Variants in SETBP1 observed in about 807,000 individuals in gnomAD.
SETBP1 encodes SET-binding protein.
A neutral mutation model predicts 101.0 loss-of-function variants in SETBP1; 9 were observed. The ratio of observed to expected loss-of-function variants is 0.09; its 90% CI spans 0.05 to 0.16. The LOEUF (loss-of-function observed/expected upper bound fraction) is 0.16, where lower values mean the gene tolerates loss of function less well. SETBP1 is among the 10% of genes least tolerant of loss of function. SETBP1 has a pLI of 1.00. For synonymous variants in SETBP1, 818 were observed against 788.5 expected (o/e 1.04, Z -0.63); for missense variants, 1,858 against 2,033.8 (o/e 0.91, Z 1.66).
intron 4 of SETBP1, among the ~76,000 whole-genome samples, chr18:44,995,529 T>TTTTGTG (rs894181469): frequency 6.1e-4 from 87 of 142,970 alleles, no homozygotes; most frequent in African/African-American, 2.2e-3. Flanking sequence ...GTCCAGGCTT[T>TTTTGTG]TGTGTGTGTG....
chr18:44,706,591 CAAAAAAAA>C (rs1018470585), intron 2 of SETBP1, among the ~76,000 whole-genome samples: 73 of 16,954 alleles, frequency 4.3e-3, no homozygotes, highest in African/African-American at 0.016. Flanking sequence ...GACTCAATCT[CAAAAAAAA>C]AAAAAAAAAA....
chr18:44,990,634 C>G (rs577024700), intron 4 of SETBP1, among the ~76,000 whole-genome samples: 125 of 148,564 alleles, frequency 8.4e-4, no homozygotes, highest in Middle Eastern at 3.4e-3. Flanking sequence ...ACAAACAAAC[C>G]AAAAAAAAAC....
chr18:44,972,626 CT>C (rs2071892490), intron 4 of SETBP1, among the ~76,000 whole-genome samples: 1 of 152,108 alleles, frequency 6.6e-6, no homozygotes, highest in Non-Finnish European at 1.5e-5. Context: ...GTATTTTATT[CT>C]CCTTGAAGCA....
At chr18:44,778,974 C>A (rs1271235644) in intron 2 of SETBP1, among the ~76,000 whole-genome samples, 1 of 152,228 alleles carries the variant, frequency 6.6e-6, no homozygotes, top group African/African-American at 2.4e-5. Context: ...GGATAAATGG[C>A]TGGTTAAACC....
intron 4 of SETBP1, among the ~76,000 whole-genome samples, chr18:45,016,730 C>T (rs957863435): frequency 5.8e-5 from 7 of 121,078 alleles, no homozygotes; most frequent in Non-Finnish European, 8.6e-5. Context: ...CATTGGTGCG[C>T]GCACACACAC....
chr18:44,882,374 G>A (rs79367460), intron 3 of SETBP1, among the ~76,000 whole-genome samples: 217 of 152,228 alleles, frequency 1.4e-3, no homozygotes, highest in African/African-American at 4.8e-3. Flanking sequence ...TATGACTGCT[G>A]GGGGTGCGGA....
rs776709944 is a variant in SETBP1 at position 44,949,952 on chromosome 18, C to G, written c.612C>G (p.Asp204Glu). The change falls in exon 4 of 6, where the codon GAC becomes GAG. Residue 204 changes from aspartate (D) to glutamate (E), a missense_variant. By Grantham distance (45) the Asp-to-Glu change is conservative (BLOSUM62 2). Transcript: ENST00000649279. ...GCCTCCCACAGGACTTCACCGGTGA[C>G]ACCTTAAAACCAAAGCACCAGCAAA... ...DTGLPQDFTG[D>E]TLKPKHQQKS... 8 of 1,614,124 alleles carry G rather than the reference C, an allele frequency of 5.0e-6. No individual in the cohort carries two copies. The South Asian group carries it at 8.8e-5, about 18-fold the overall frequency.
intron 2 of SETBP1, among the ~76,000 whole-genome samples, chr18:44,861,781 T>C (rs1027382057): frequency 2.0e-5 from 3 of 152,200 alleles, no homozygotes; most frequent in African/African-American, 4.8e-5. Context: ...GATTTACCTA[T>C]GTAAACTTCT....
intron 2 of SETBP1, among the ~76,000 whole-genome samples, chr18:44,847,759 T>A (rs192634413): frequency 2.8e-4 from 42 of 152,156 alleles, no homozygotes; most frequent in Admixed American, 1.2e-3. Context: ...TAGAATAAAA[T>A]GCCAGTTAGA....
intron 2 of SETBP1, among the ~76,000 whole-genome samples, chr18:44,868,445 A>C (rs1344833715): frequency 6.6e-6 from 1 of 152,136 alleles, no homozygotes; most frequent in Non-Finnish European, 1.5e-5. Context: ...CTGTAATCCC[A>C]GCACTTTGGG....
At chr18:44,928,892 C>T (rs2070761931) in intron 3 of SETBP1, among the ~76,000 whole-genome samples, 1 of 152,158 alleles carries the variant, frequency 6.6e-6, no homozygotes, top group Admixed American at 6.5e-5. Flanking sequence ...CCTGTTCACT[C>T]TGATGGTAGT....
chr18:44,924,955 AGC>A (rs2144952889), intron 3 of SETBP1, among the ~76,000 whole-genome samples: 1 of 149,472 alleles, frequency 6.7e-6, no homozygotes, highest in South Asian at 2.1e-4. Context: ...CAGCTTAGGC[AGC>A]CTCTCTCCAT....
chr18:44,934,020 C>A (rs2070899932), intron 3 of SETBP1, among the ~76,000 whole-genome samples: 1 of 152,192 alleles, frequency 6.6e-6, no homozygotes, highest in Non-Finnish European at 1.5e-5. Context: ...GTCACTCATG[C>A]TGGGAGCTAT....
At chr18:44,755,665 C>T (rs2070475659) in intron 2 of SETBP1, among the ~76,000 whole-genome samples, 1 of 152,130 alleles carries the variant, frequency 6.6e-6, no homozygotes. Context: ...GGGAGCCACA[C>T]TACTAGTTCC....
chr18:45,019,879 T>C (rs1166246867), intron 4 of SETBP1, among the ~76,000 whole-genome samples: 1 of 152,096 alleles, frequency 6.6e-6, no homozygotes, highest in East Asian at 1.9e-4. Flanking sequence ...CACTAAATTG[T>C]CAATTGTATT....
At chr18:44,764,559 G>A (rs1488386882) in intron 2 of SETBP1, among the ~76,000 whole-genome samples, 10 of 151,976 alleles carry the variant, frequency 6.6e-5, no homozygotes, top group Non-Finnish European at 1.3e-4. Context: ...TGCAAGCTCC[G>A]CCTCCTGGGT....
intron 4 of SETBP1, among the ~76,000 whole-genome samples, chr18:45,004,142 A>T (rs1197575890): frequency 6.6e-6 from 1 of 152,078 alleles, no homozygotes; most frequent in African/African-American, 2.4e-5. Context: ...AATAAATCTC[A>T]CCTGATGAAC....
chr18:44,912,201 T>C (rs2070325680), intron 3 of SETBP1, among the ~76,000 whole-genome samples: 1 of 152,178 alleles, frequency 6.6e-6, no homozygotes. Flanking sequence ...TGTTGGGTTT[T>C]GACTCGACTA....
chr18:44,966,231 T>A (rs576154773), intron 4 of SETBP1, among the ~76,000 whole-genome samples: 46 of 152,192 alleles, frequency 3.0e-4, no homozygotes, highest in Non-Finnish European at 6.2e-4. Flanking sequence ...CATTATCCAC[T>A]CTTGCTGGTC....
Sources: gnomAD v4.1 joint callset for allele counts (sites outside exome capture counted in the v4.1 genomes callset) on GRCh38, gnomAD v4.1.1 for gene constraint, MANE v1.5 for transcripts, NCBI Gene and HGNC (gene_info 2026-07-23, HGNC 2026-07-21) for gene names.